IGSF11: variants seen among roughly 807,000 people sequenced by gnomAD.
The protein encoded by IGSF11 is CXADR like 1.
In IGSF11, 22 loss-of-function variants were observed where a neutral mutation model predicts 41.0. The ratio of observed to expected loss-of-function variants is 0.54; its 90% CI spans 0.38 to 0.77. The LOEUF (loss-of-function observed/expected upper bound fraction) is 0.77. Ranked by LOEUF, IGSF11 falls within the 30% of genes least tolerant of loss-of-function variation. The probability of loss-of-function intolerance (pLI) is 0.00; values close to 1 mark genes in which losing one functional copy is unlikely to be tolerated. For synonymous variants in IGSF11, 219 were observed against 201.3 expected (o/e 1.09, Z -0.74); for missense variants, 444 against 530.8 (o/e 0.84, Z 1.61).
chr3:118,923,540 G>A (rs1482718560), intron 4 of IGSF11, among the ~76,000 whole-genome samples: 1 of 152,044 alleles, frequency 6.6e-6, no homozygotes, highest in Non-Finnish European at 1.5e-5. Context: ...TTCTTTTCCT[G>A]TTCAGATTCT....
At chr3:118,987,529 G>A (rs1201031357) in intron 1 of IGSF11, among the ~76,000 whole-genome samples, 1 of 152,150 alleles carries the variant, frequency 6.6e-6, no homozygotes, top group Non-Finnish European at 1.5e-5. Flanking sequence ...AGTCAGTGGA[G>A]GTAATCTAGT....
chr3:118,928,779 A>C, intron 2 of IGSF11, 63 bp from the exon 3 acceptor site: 1 of 1,203,144 alleles, frequency 8.3e-7, no homozygotes, highest in Non-Finnish European at 1.2e-6. Flanking sequence ...CAAAACAATA[A>C]CTATTTGGTA....
intron 1 of IGSF11, among the ~76,000 whole-genome samples, chr3:118,953,023 A>G (rs762896363): frequency 5.9e-5 from 9 of 152,044 alleles, no homozygotes; most frequent in African/African-American, 4.8e-5. Flanking sequence ...CACTGTATCC[A>G]GTATGTAGTC....
At chr3:119,103,764 CT>C (rs1421021001) in intron 1 of IGSF11, among the ~76,000 whole-genome samples, 1 of 151,750 alleles carries the variant, frequency 6.6e-6, no homozygotes. Flanking sequence ...CCTACCAATC[CT>C]GCTTCTTACT....
chr3:119,045,445 A>G (rs1259494952), intron 1 of IGSF11, among the ~76,000 whole-genome samples: 1 of 152,208 alleles, frequency 6.6e-6, no homozygotes, highest in Non-Finnish European at 1.5e-5. Context: ...ACGGGCTTAA[A>G]AAACGGCGCA....
At chr3:119,072,577 G>A (rs765347725) in intron 1 of IGSF11, among the ~76,000 whole-genome samples, 5 of 152,130 alleles carry the variant, frequency 3.3e-5, no homozygotes, top group East Asian at 1.9e-4. Context: ...TTGTGGTCTC[G>A]CTGGCTTCAG....
chr3:118,999,584 TGTAA>T (rs528994287), intron 1 of IGSF11, among the ~76,000 whole-genome samples: 32 of 152,292 alleles, frequency 2.1e-4, no homozygotes, highest in South Asian at 1.9e-3. Flanking sequence ...GACATATCCT[TGTAA>T]GTGACTGAGC....
rs537486625 is a variant in IGSF11 at position 118,902,466 on chromosome 3, C to T, written c.*54G>A. On this transcript the variant is annotated 3_prime_UTR_variant, in exon 7 of 7. Transcript: ENST00000393775. ...CAGCACTCCCCACCCCACCCTCCCC[C>T]TTGTATGAGGGCATTCCATTTATTC... 2 of 878,270 alleles carry T rather than the reference C, an allele frequency of 2.3e-6. No individual in the cohort carries two copies. Among genetic ancestry groups the T allele is most frequent in the African/African-American group, 1.7e-5 (1 of 60,496 alleles). The allele number at this position is 878,270 out of a possible 1,614,324, so 54.4% of individuals were successfully genotyped here.
chr3:118,911,457 T>TG (rs1301001531), intron 4 of IGSF11, among the ~76,000 whole-genome samples: 5 of 152,126 alleles, frequency 3.3e-5, no homozygotes, highest in Admixed American at 3.3e-4. Context: ...GGCTCACACC[T>TG]ATAGTCCCAG....
At position 118,913,270 on chromosome 3, in the gene IGSF11, T is replaced by C. The variant is rs538949672; in HGVS notation, c.581-7552A>G. Among the ~76,000 whole-genome samples the C allele has an allele frequency of 2.0e-5, 3 of 152,196 alleles. No individual in the cohort carries two copies. In the South Asian group the frequency reaches 6.2e-4, roughly 32 times the overall value. On this transcript the variant is annotated intron_variant, in intron 4 of 6. Coordinates refer to ENST00000393775, the MANE Select transcript of IGSF11 (RefSeq NM_001015887.3). ...AGAGAAAAGGCTATATTCAAAAATATAAGGACAGAGATTTTTCCAGAAGTG... is the reference window on the plus strand; with the variant it reads ...AGAGAAAAGGCTATATTCAAAAATACAAGGACAGAGATTTTTCCAGAAGTG...
chr3:118,905,588 A>G lies in IGSF11; in HGVS notation c.703+8T>C, dbSNP rs1275710908. On this transcript the variant is annotated splice_region_variant and intron_variant, in intron 5 of 6. Transcript: ENST00000393775. ...CCATGGTTGACATCAGAATTTCCAT[A>G]TGCTTACGTGAAATAACCTGGAGAT... The G allele has an allele frequency of 1.2e-6, 2 of 1,613,596 alleles. No individual in the cohort carries two copies. The highest frequency in any genetic ancestry group is 1.3e-5 in the African/African-American group (1 of 74,906).
intron 1 of IGSF11, among the ~76,000 whole-genome samples, chr3:118,946,379 C>T (rs538095936): frequency 6.6e-6 from 1 of 151,406 alleles, no homozygotes; most frequent in South Asian, 2.1e-4. Context: ...TTCTATAGCA[C>T]TTATACTTGC....
intron 1 of IGSF11, among the ~76,000 whole-genome samples, chr3:118,980,360 T>C (rs754066321): frequency 1.3e-5 from 2 of 152,218 alleles, no homozygotes; most frequent in Non-Finnish European, 1.5e-5. Flanking sequence ...AAGGAAATCA[T>C]GTCATTTGTC....
intron 1 of IGSF11, among the ~76,000 whole-genome samples, chr3:119,029,173 T>TACACACACACACACAC (rs66598029): frequency 0.026 from 2,888 of 111,490 alleles, 144 homozygotes; most frequent in African/African-American, 0.083. Context: ...TTGGGGATAA[T>TACACACACACACACAC]ACACACACAC....
chr3:119,110,925 C>G (rs2077145333), intron 1 of IGSF11, among the ~76,000 whole-genome samples: 2 of 151,956 alleles, frequency 1.3e-5, no homozygotes, highest in East Asian at 3.9e-4. Context: ...GGCCCCCACT[C>G]TCTTCTGGCT....
chr3:119,034,873 G>T, upstream of IGSF11: 1 of 1,185,520 alleles, frequency 8.4e-7, no homozygotes, highest in African/African-American at 1.6e-5. Flanking sequence ...AGTCCGGGGA[G>T]CCACTCCCCC....
At chr3:118,954,859 C>T (rs1218375745) in intron 1 of IGSF11, among the ~76,000 whole-genome samples, 4 of 151,908 alleles carry the variant, frequency 2.6e-5, no homozygotes, top group East Asian at 1.9e-4. Flanking sequence ...AACCACAATG[C>T]GATACCACCT....
At chr3:119,139,168 A>G (rs1339545841) in intron 1 of IGSF11, among the ~76,000 whole-genome samples, 1 of 152,168 alleles carries the variant, frequency 6.6e-6, no homozygotes, top group African/African-American at 2.4e-5. Context: ...AAAAATATAT[A>G]TAAATAAAAA....
chr3:118,904,908 T>C (rs981674411), intron 5 of IGSF11, 110 bp from the exon 6 acceptor site: 3 of 857,446 alleles, frequency 3.5e-6, no homozygotes, highest in Admixed American at 2.8e-5. Context: ...GCTTAAAACG[T>C]ATAAAACTCT....
Sources: allele counts gnomAD v4.1 joint callset (sites outside exome capture counted in the v4.1 genomes callset), GRCh38; gene constraint gnomAD v4.1.1; transcripts MANE v1.5; gene names NCBI Gene and HGNC (gene_info 2026-07-23, HGNC 2026-07-21).